PDE1A: variants seen among roughly 807,000 people sequenced by gnomAD.
The protein encoded by PDE1A is phosphodiesterase 1A, also known as dual specificity calcium/calmodulin-dependent 3',5'-cyclic nucleotide phosphodiesterase 1A.
A neutral mutation model predicts 61.7 loss-of-function variants in PDE1A; 35 were observed. The observed-to-expected ratio is 0.57, with a 90% CI of 0.43 to 0.75. PDE1A has a LOEUF of 0.75. Ranked by LOEUF, PDE1A falls within the 30% of genes least tolerant of loss-of-function variation. PDE1A has a pLI of 0.00. For missense variants in PDE1A, 597 were observed against 630.6 expected (o/e 0.95, Z 0.57); for synonymous variants, 232 against 213.2 (o/e 1.09, Z -0.77).
chr2:182,490,564 G>A (rs190281478), intron 2 of PDE1A, among the ~76,000 whole-genome samples: 8 of 151,638 alleles, frequency 5.3e-5, no homozygotes, highest in African/African-American at 9.7e-5. Context: ...TAGTGAAGAC[G>A]GAGTTTCACT....
intron 13 of PDE1A, among the ~76,000 whole-genome samples, chr2:182,177,250 C>A (rs746988933): frequency 6.6e-6 from 1 of 152,038 alleles, no homozygotes; most frequent in East Asian, 1.9e-4. Flanking sequence ...GGAATAGTTT[C>A]GGAAGGAATG....
At chr2:182,468,716 C>G (rs532445299) in intron 2 of PDE1A, among the ~76,000 whole-genome samples, 1 of 152,090 alleles carries the variant, frequency 6.6e-6, no homozygotes, top group South Asian at 2.1e-4. Context: ...GAATCACTAT[C>G]TGTGGCAACT....
At chr2:182,170,537 T>A (rs995439160) in intron 13 of PDE1A, among the ~76,000 whole-genome samples, 1 of 152,026 alleles carries the variant, frequency 6.6e-6, no homozygotes, top group African/African-American at 2.4e-5. Flanking sequence ...TCCTACCGCA[T>A]AGCTATACCA....
chr2:182,474,967 T>C (rs916300598), intron 2 of PDE1A, among the ~76,000 whole-genome samples: 2 of 151,982 alleles, frequency 1.3e-5, no homozygotes, highest in Non-Finnish European at 2.9e-5. Flanking sequence ...AAATGGATCA[T>C]GTCTGAGAGA....
chr2:182,488,540 G>A (rs1410554098), intron 2 of PDE1A, among the ~76,000 whole-genome samples: 2 of 152,138 alleles, frequency 1.3e-5, no homozygotes, highest in South Asian at 2.1e-4. Flanking sequence ...ATATTGTACT[G>A]TAGTGTTGAT....
At chr2:182,363,774 G>A (rs1461066216) in intron 1 of PDE1A, among the ~76,000 whole-genome samples, 1 of 152,078 alleles carries the variant, frequency 6.6e-6, no homozygotes, top group Non-Finnish European at 1.5e-5. Flanking sequence ...GGAGGGATGA[G>A]AAAGTAATGC....
chr2:182,498,805 G>GTA (rs1559516664), intron 2 of PDE1A, among the ~76,000 whole-genome samples: 4 of 151,982 alleles, frequency 2.6e-5, no homozygotes, highest in African/African-American at 7.2e-5. Context: ...TTAGCCGGAC[G>GTA]CGGTGGCGGG....
intron 2 of PDE1A, among the ~76,000 whole-genome samples, chr2:182,489,483 C>T (rs1206762191): frequency 1.3e-5 from 2 of 152,134 alleles, no homozygotes; most frequent in African/African-American, 4.8e-5. Flanking sequence ...CGTAGCAGGC[C>T]ATGGCAGGTG....
the PDE1A span, among the ~76,000 whole-genome samples, chr2:182,606,976 A>G: frequency 1.3e-5 from 2 of 152,182 alleles, no homozygotes; most frequent in African/African-American, 4.8e-5. Context: ...GAGATGGGAG[A>G]CCAGTCTCAA....
intron 1 of PDE1A, among the ~76,000 whole-genome samples, chr2:182,272,218 A>C (rs10182266): frequency 0.048 from 7,313 of 152,182 alleles, 538 homozygotes; most frequent in African/African-American, 0.17. Context: ...AGAACTTAGA[A>C]TCTCCATGCT....
At chr2:182,573,679 CTA>C in the PDE1A span, among the ~76,000 whole-genome samples, 3 of 151,528 alleles carry the variant, frequency 2.0e-5, no homozygotes, top group African/African-American at 4.8e-5. Context: ...GGAATTGTAA[CTA>C]TGTATAATTT....
intron 2 of PDE1A, among the ~76,000 whole-genome samples, chr2:182,436,713 T>C (rs1003594870): frequency 2.2e-4 from 34 of 151,992 alleles, no homozygotes; most frequent in African/African-American, 8.0e-4. Context: ...TAATTCTACA[T>C]AACACACCCA....
chr2:182,340,241 T>C (rs1698099499), intron 1 of PDE1A, among the ~76,000 whole-genome samples: 1 of 152,200 alleles, frequency 6.6e-6, no homozygotes, highest in Admixed American at 6.5e-5. Flanking sequence ...GCAAATTATA[T>C]CCAATTTAAA....
At chr2:182,659,725 C>G in the PDE1A span, among the ~76,000 whole-genome samples, 1 of 152,214 alleles carries the variant, frequency 6.6e-6, no homozygotes, top group Non-Finnish European at 1.5e-5. Flanking sequence ...TTCCTTTCCT[C>G]ACTTACAACA....
At chr2:182,472,279 T>C (rs1355139928) in intron 2 of PDE1A, among the ~76,000 whole-genome samples, 9 of 151,994 alleles carry the variant, frequency 5.9e-5, no homozygotes, top group Admixed American at 5.3e-4. Flanking sequence ...CACAGAACTA[T>C]TCACAAAAGC....
the PDE1A span, among the ~76,000 whole-genome samples, chr2:182,671,424 G>T: frequency 2.2e-5 from 3 of 138,934 alleles, no homozygotes; most frequent in Non-Finnish European, 4.5e-5. Context: ...TCCTGACCTC[G>T]TGATCCACCG....
intron 1 of PDE1A, among the ~76,000 whole-genome samples, chr2:182,307,409 C>T (rs1695659141): frequency 6.6e-6 from 1 of 152,132 alleles, no homozygotes; most frequent in South Asian, 2.1e-4. Flanking sequence ...TGTGCTTTCA[C>T]TGTCACCCTC....
chr2:182,709,170 TA>T, the PDE1A span, among the ~76,000 whole-genome samples: 103,153 of 149,310 alleles, frequency 0.69, 35,768 homozygotes, highest in African/African-American at 0.79. Context: ...TTCTTTTTCT[TA>T]AAAAAAAAAA....
chr2:182,184,725 G>A (rs1219940451), intron 13 of PDE1A, among the ~76,000 whole-genome samples: 1 of 152,128 alleles, frequency 6.6e-6, no homozygotes, highest in East Asian at 1.9e-4. Context: ...AAGTTCTGCA[G>A]GAATTAATGT....
Sources: allele counts gnomAD v4.1 joint callset (sites outside exome capture counted in the v4.1 genomes callset), GRCh38; gene constraint gnomAD v4.1.1; transcripts MANE v1.5; gene names NCBI Gene and HGNC (gene_info 2026-07-23, HGNC 2026-07-21).